Variants in PGD observed in about 807,000 individuals in gnomAD.
PGD encodes the protein 6-phosphogluconate dehydrogenase, decarboxylating.
A neutral mutation model predicts 60.4 loss-of-function variants in PGD; 21 were observed. The observed-to-expected ratio is 0.35, with a 90% confidence interval of 0.25 to 0.50. The LOEUF (loss-of-function observed/expected upper bound fraction) is 0.50, where lower values mean the gene tolerates loss of function less well. Among genes scored for constraint, PGD ranks in the 20% least tolerant of loss-of-function variants. The pLI is 0.98. For synonymous variants in PGD, 230 were observed against 235.9 expected (o/e 0.97, Z 0.23); for missense variants, 477 against 613.1 (o/e 0.78, Z 2.34).
rs1002814623 is a variant in PGD at position 10,407,991 on chromosome 1, A to G, written c.450-80A>G. 4.9e-6 allele frequency: 4 copies of G among 812,776 alleles called. No individual in the cohort carries two copies. In the African/African-American group the frequency reaches 5.4e-5, roughly 11 times the overall value. The allele number at this position is 812,776 out of a possible 1,614,324, so 50.3% of individuals were successfully genotyped here. A position where few individuals can be genotyped will look rare whatever the true frequency, so the allele number is the denominator to read the frequency against. The stretch of plus-strand genomic sequence containing the variant: ...AAGGAAAAGATAGGGGTTGGTGTCT[A>G]TGGGTATGTTGGTGTCTATGGGTAT... On this transcript the variant is annotated intron_variant, in intron 5 of 12. Coordinates refer to ENST00000270776, the MANE Select transcript of PGD (RefSeq NM_002631.4).
intron 7 of PGD, 90 bp from the exon 8 acceptor site, chr1:10,412,972 G>A: frequency 9.0e-7 from 1 of 1,111,142 alleles, no homozygotes; most frequent in South Asian, 1.4e-5. Context: ...TGGCAACCGT[G>A]AGCATTGGTC....
At position 10,399,074 on chromosome 1, in the gene PGD, T is replaced by A. The variant is rs1397265121; in HGVS notation, c.-44T>A. 1.2e-6 allele frequency: 2 copies of A among 1,608,550 alleles called. No homozygotes were observed. The highest frequency in any genetic ancestry group is 8.5e-7 in the Non-Finnish European group (1 of 1,179,442). On this transcript the variant is annotated 5_prime_UTR_variant, in exon 1 of 13. Coordinates refer to ENST00000270776, the MANE Select transcript of PGD (RefSeq NM_002631.4). ...CCGCTGCGGGTCTTTCCCTCACTCG[T>A]CCTCCGCGCGTCGCCGCTCTTCGGT...
chr1:10,407,672 G>C (rs1449481540), intron 5 of PGD, among the ~76,000 whole-genome samples: 1 of 152,114 alleles, frequency 6.6e-6, no homozygotes, highest in East Asian at 1.9e-4. Flanking sequence ...GCCCAGTGCG[G>C]TGGTGGCTTA....
In PGD at chr1:10,409,994, C is replaced by T. The variant is rs147162973; in HGVS notation, c.520-1424C>T. Reference sequence around the variant, plus strand: ...TAGATACACACACTTAGGACAAAGTCATGAAGAGAAGCACAGTCCTTGCCC... The same window carrying T: ...TAGATACACACACTTAGGACAAAGTTATGAAGAGAAGCACAGTCCTTGCCC... On this transcript the variant is annotated intron_variant, in intron 6 of 12. Transcript: ENST00000270776. Among the ~76,000 whole-genome samples the T allele has an allele frequency of 4.6e-3, 703 of 152,248 alleles. 3 individuals are homozygous for T. Among genetic ancestry groups the T allele is most frequent in the African/African-American group, 0.016 (648 of 41,566 alleles).
intron 5 of PGD, 39 bp downstream of exon 5, chr1:10,404,318 G>A: frequency 7.6e-7 from 1 of 1,310,670 alleles, no homozygotes; most frequent in Non-Finnish European, 1.1e-6. Context: ...CTGTACAAGG[G>A]AGCTGGACTT....
In PGD at chr1:10,411,572, T is replaced by C. The variant is rs761525951; in HGVS notation, c.654+20T>C. 2.5e-6 allele frequency: 4 copies of C among 1,613,650 alleles called. No individual in the cohort carries two copies. In the South Asian group the frequency reaches 4.4e-5, roughly 18 times the overall value. ...GCCCAGGTGAGGCCCCGGCACTGCC[T>C]CTGTGTCCGTTCTGCAGGGAGTGCT... On this transcript the variant is annotated intron_variant, in intron 7 of 12. Transcript: ENST00000270776.
intron 3 of PGD, among the ~76,000 whole-genome samples, chr1:10,400,811 G>C (rs61775980): frequency 0.025 from 3,833 of 152,198 alleles, 161 homozygotes; most frequent in African/African-American, 0.087. Flanking sequence ...ACATTAAGGC[G>C]GGGCACAGTG....
intron 9 of PGD, 83 bp from the exon 10 acceptor site, chr1:10,417,293 C>T: frequency 6.7e-7 from 1 of 1,482,678 alleles, no homozygotes; most frequent in South Asian, 1.3e-5. Context: ...GGGATCTCCA[C>T]TGCTGATGAG....
rs145171287 is a variant in PGD, at chr1:10,404,245, C to T, written c.415C>T (p.Pro139Ser). The T allele has an allele frequency of 6.2e-7, 1 of 1,613,414 alleles. No homozygotes were observed. The highest frequency in any genetic ancestry group is 8.5e-7 in the Non-Finnish European group (1 of 1,179,562). ...TGGAGAGGAAGGGGCCCGGTATGGC[C>T]CATCGCTCATGCCAGGAGGGAACAA... The part of the protein sequence containing the change: ...SGGEEGARYG[P>S]SLMPGGNKEA... The change falls in exon 5 of 13, where the codon CCA (proline) becomes TCA (serine). Residue 139 changes from proline to serine, a missense_variant. By Grantham distance (74) the Pro-to-Ser change is moderately conservative. Transcript: ENST00000270776.
chr1:10,414,088 G>A (rs781640687), intron 8 of PGD, among the ~76,000 whole-genome samples: 1 of 152,118 alleles, frequency 6.6e-6, no homozygotes, highest in Admixed American at 6.5e-5. Context: ...ACATATGCTT[G>A]TGTACTCAGA....
intron 9 of PGD, 81 bp downstream of exon 9, chr1:10,417,198 G>C: frequency 6.6e-7 from 1 of 1,523,160 alleles, no homozygotes; most frequent in Non-Finnish European, 9.0e-7. Context: ...GAGAACACTC[G>C]AGGCCACAGG....
chr1:10,416,528 C>T lies in PGD; in HGVS notation c.845-459C>T, dbSNP rs11803409. ...TGTGCGAACTTTGGTAATTTTCATGCGCATCCGTGTGAAAAGACCACCAAA... is the reference window on the plus strand; with the variant it reads ...TGTGCGAACTTTGGTAATTTTCATGTGCATCCGTGTGAAAAGACCACCAAA... On this transcript the variant is annotated intron_variant, in intron 8 of 12. Coordinates refer to ENST00000270776, the MANE Select transcript of PGD (RefSeq NM_002631.4). 4.6e-3 allele frequency among the ~76,000 whole-genome samples: 698 copies of T among 152,264 alleles called. 6 individuals are homozygous for T. The highest frequency in any genetic ancestry group is 0.016 in the African/African-American group (656 of 41,550).
chr1:10,399,230 C>G, intron 1 of PGD, 105 bp downstream of exon 1: 6 of 1,330,218 alleles, frequency 4.5e-6, no homozygotes, highest in Non-Finnish European at 6.3e-6. Context: ...CCCTGGGGGT[C>G]GCCTGAGCTC....
Position 10,419,803 on chromosome 1 carries a change from C to A in PGD, c.*54C>A, listed in dbSNP as rs916634601. 3.8e-6 allele frequency: 6 copies of A among 1,596,912 alleles called. No homozygotes were observed. The African/African-American group carries it at 8.0e-5, about 21-fold the overall frequency. ...TCCACAGACCAGGACATTCCATGTGCCTCATGGCACTGCCACCTGGCCCTT... is the reference window on the plus strand; with the variant it reads ...TCCACAGACCAGGACATTCCATGTGACTCATGGCACTGCCACCTGGCCCTT... On this transcript the variant is annotated 3_prime_UTR_variant, in exon 13 of 13. Transcript: ENST00000270776.
chr1:10,400,113 C>G, intron 2 of PGD: 1 of 469,276 alleles, frequency 2.1e-6, no homozygotes, highest in Non-Finnish European at 3.8e-6. Context: ...CCTGTTGAAC[C>G]GGCCAGTTCC....
chr1:10,417,333 T>G (rs774472833), intron 9 of PGD, 43 bp from the exon 10 acceptor site: 34 of 1,569,200 alleles, frequency 2.2e-5, no homozygotes, highest in Admixed American at 2.0e-4. Flanking sequence ...AGGCGGTCAC[T>G]CTCCTAATGG....
intron 3 of PGD, among the ~76,000 whole-genome samples, chr1:10,402,030 T>G (rs1325912993): frequency 7.2e-6 from 1 of 139,780 alleles, no homozygotes; most frequent in Non-Finnish European, 1.6e-5. Context: ...AATAAATAAA[T>G]TAATTAATTA....
At chr1:10,407,048 A>G (rs577726592) in intron 5 of PGD, among the ~76,000 whole-genome samples, 6 of 152,232 alleles carry the variant, frequency 3.9e-5, no homozygotes, top group Non-Finnish European at 8.8e-5. Context: ...GCGATGGCTT[A>G]TGCCTGTAAT....
At position 10,419,639 on chromosome 1, in the gene PGD, G is replaced by A. The variant is rs1639656804; in HGVS notation, c.1342G>A (p.Asp448Asn). ...CTCTCTCGTTTCCTAGGCTCAGCGGGATTACTTCGGGGCTCACACCTATGA... is the reference window on the plus strand; with the variant it reads ...CTCTCTCGTTTCCTAGGCTCAGCGGAATTACTTCGGGGCTCACACCTATGA... Reference protein sequence around the residue: ...LPASLIQAQRDYFGAHTYELL... With the variant: ...LPASLIQAQRNYFGAHTYELL... Residue 448 changes from aspartate (D) to asparagine (N), a missense_variant, in exon 13 of 13, where the codon GAT becomes AAT. Asp to Asn is a conservative substitution (Grantham distance 23, BLOSUM62 1). Transcript: ENST00000270776. 1.2e-6 allele frequency: 2 copies of A among 1,614,238 alleles called. No individual in the cohort carries two copies. The highest frequency in any genetic ancestry group is 1.7e-6 in the Non-Finnish European group (2 of 1,180,038).
Sources: allele counts gnomAD v4.1 joint callset (sites outside exome capture counted in the v4.1 genomes callset), GRCh38; gene constraint gnomAD v4.1.1; transcripts MANE v1.5; gene names NCBI Gene and HGNC (gene_info 2026-07-23, HGNC 2026-07-21).